Variants in DENND1A observed in about 807,000 individuals in gnomAD.
The protein encoded by DENND1A is DENN domain-containing protein 1A.
Under a neutral mutation model 113.7 loss-of-function variants are expected in DENND1A, and 51 were observed. That is an observed-to-expected ratio of 0.45 (90% CI 0.36 to 0.57). The LOEUF is 0.57. DENND1A is among the 20% of genes least tolerant of loss of function. The pLI is 0.00. For synonymous variants in DENND1A, 565 were observed against 570.8 expected (o/e 0.99, Z 0.14); for missense variants, 1,258 against 1,395.9 (o/e 0.90, Z 1.57).
intron 2 of DENND1A, among the ~76,000 whole-genome samples, chr9:123,856,899 C>T (rs746830441): frequency 6.6e-6 from 1 of 151,984 alleles, no homozygotes; most frequent in African/African-American, 2.4e-5. Context: ...CCAGGCTTCT[C>T]ACAGTTGAAG....
intron 13 of DENND1A, among the ~76,000 whole-genome samples, chr9:123,470,364 G>GCGCCAGGGGTTGCCTTACTCA (rs1554830816): frequency 6.6e-6 from 1 of 151,182 alleles, no homozygotes. Flanking sequence ...CACGTGGCCA[G>GCGCCAGGGGTTGCCTTACTCA]CGCCAGGGGT....
At chr9:123,831,307 A>C (rs1170799394) in intron 2 of DENND1A, among the ~76,000 whole-genome samples, 1 of 152,184 alleles carries the variant, frequency 6.6e-6, no homozygotes, top group East Asian at 1.9e-4. Context: ...ACATTACATA[A>C]AGGAATCTGT....
intron 13 of DENND1A, among the ~76,000 whole-genome samples, chr9:123,553,407 C>CG (rs980981789): frequency 1.3e-5 from 2 of 150,962 alleles, no homozygotes; most frequent in Non-Finnish European, 3.0e-5. Flanking sequence ...GCCGCCCCCC[C>CG]CCCGCTCCTC....
chr9:123,704,606 T>C (rs559051098), intron 5 of DENND1A, among the ~76,000 whole-genome samples: 6 of 152,282 alleles, frequency 3.9e-5, no homozygotes, highest in Admixed American at 6.5e-5. Context: ...GGGATTCAAA[T>C]TGAGCCAAGC....
chr9:123,621,276 C>A (rs1444364467), intron 10 of DENND1A, among the ~76,000 whole-genome samples: 1 of 151,938 alleles, frequency 6.6e-6, no homozygotes, highest in African/African-American at 2.4e-5. Context: ...ACCATCACCC[C>A]CCAGGTTCAA....
intron 2 of DENND1A, among the ~76,000 whole-genome samples, chr9:123,817,114 A>G (rs1009219691): frequency 1.3e-5 from 2 of 152,194 alleles, no homozygotes; most frequent in African/African-American, 4.8e-5. Flanking sequence ...CCCCGATGGT[A>G]ATGTTACCCA....
At chr9:123,549,355 T>G (rs766345689) in intron 13 of DENND1A, among the ~76,000 whole-genome samples, 17 of 152,106 alleles carry the variant, frequency 1.1e-4, no homozygotes, top group Non-Finnish European at 1.8e-4. Flanking sequence ...GACAAATTAG[T>G]CACATCCCTT....
chr9:123,869,338 A>C (rs1846199884), intron 2 of DENND1A, among the ~76,000 whole-genome samples: 1 of 152,210 alleles, frequency 6.6e-6, no homozygotes, highest in Admixed American at 6.5e-5. Context: ...TACCTATATA[A>C]TTAGAATAAT....
At chr9:123,607,539 AGAGAGAGAGTGT>A (rs1589328093) in intron 11 of DENND1A, among the ~76,000 whole-genome samples, 1 of 127,756 alleles carries the variant, frequency 7.8e-6, no homozygotes, top group African/African-American at 2.9e-5. Context: ...AGAGAGAGAG[AGAGAGAGAGTGT>A]GTGTGTGTGT....
At chr9:123,656,041 C>G (rs1437584112) in intron 8 of DENND1A, among the ~76,000 whole-genome samples, 1 of 152,204 alleles carries the variant, frequency 6.6e-6, no homozygotes, top group Non-Finnish European at 1.5e-5. Flanking sequence ...GTGGTTGAGG[C>G]TACACTCCAG....
intron 4 of DENND1A, among the ~76,000 whole-genome samples, chr9:123,758,685 G>GA (rs1253034426): frequency 6.6e-6 from 1 of 151,788 alleles, no homozygotes; most frequent in Admixed American, 6.6e-5. Context: ...GACGTTAAAG[G>GA]AAAAAAGCTA....
chr9:123,914,916 G>A (rs7021295), intron 1 of DENND1A, among the ~76,000 whole-genome samples: 5,648 of 152,016 alleles, frequency 0.037, 137 homozygotes, highest in Middle Eastern at 0.048. Context: ...ATTTGGAGGC[G>A]ACAAACATCC....
At chr9:123,757,470 G>A (rs2070668703) in intron 5 of DENND1A, among the ~76,000 whole-genome samples, 3 of 152,330 alleles carry the variant, frequency 2.0e-5, no homozygotes, top group Admixed American at 1.3e-4. Context: ...CTACTCAGAA[G>A]AGATGGTCCC....
At chr9:123,450,224 C>A (rs1320754979) in intron 18 of DENND1A, among the ~76,000 whole-genome samples, 1 of 152,160 alleles carries the variant, frequency 6.6e-6, no homozygotes, top group East Asian at 1.9e-4. Context: ...GGTAAGCCCA[C>A]GGCATTCTGC....
At chr9:123,693,917 TC>T (rs2065343386) in intron 5 of DENND1A, among the ~76,000 whole-genome samples, 1 of 151,228 alleles carries the variant, frequency 6.6e-6, no homozygotes, top group Non-Finnish European at 1.5e-5. Flanking sequence ...AACATCTGCC[TC>T]CCAGGTTCCA....
intron 10 of DENND1A, among the ~76,000 whole-genome samples, chr9:123,619,210 G>A (rs2060815284): frequency 6.6e-6 from 1 of 152,138 alleles, no homozygotes; most frequent in African/African-American, 2.4e-5. Context: ...GCCTCCCAAA[G>A]CGCTGGGATT....
At chr9:123,884,190 G>C (rs1384559570) in intron 1 of DENND1A, among the ~76,000 whole-genome samples, 1 of 152,014 alleles carries the variant, frequency 6.6e-6, no homozygotes, top group African/African-American at 2.4e-5. Flanking sequence ...ACAATTTCCA[G>C]AGGCTCTCTG....
rs12341314 is a variant in DENND1A, at chr9:123,624,872, G to A, written c.719+5504C>T. On this transcript the variant is annotated intron_variant, in intron 10 of 23. Transcript: ENST00000394215. ...ATCTAATGTATCTCCAAGAAAACATGAAAGGAGAAATGAATGGCAGCTGGG... is the reference window on the plus strand; with the variant it reads ...ATCTAATGTATCTCCAAGAAAACATAAAAGGAGAAATGAATGGCAGCTGGG... 2.9e-3 allele frequency among the ~76,000 whole-genome samples: 442 copies of A among 152,296 alleles called. 10 individuals are homozygous for A. Among genetic ancestry groups the A allele is most frequent in the East Asian group, 0.022 (113 of 5,188 alleles).
intron 2 of DENND1A, among the ~76,000 whole-genome samples, chr9:123,833,122 C>CAA (rs1163844269): frequency 0.071 from 1,965 of 27,530 alleles, 255 homozygotes; most frequent in African/African-American, 0.15. Flanking sequence ...GACCTCATCT[C>CAA]AAAAAAAAAA....
Sources: allele counts gnomAD v4.1 joint callset (sites outside exome capture counted in the v4.1 genomes callset), GRCh38; gene constraint gnomAD v4.1.1; transcripts MANE v1.5; gene names NCBI Gene and HGNC (gene_info 2026-07-23, HGNC 2026-07-21).